Variants in TIMP4 observed in about 807,000 individuals in gnomAD.
TIMP4 encodes the protein TIMP metallopeptidase inhibitor 4.
TIMP4 carries 28 observed loss-of-function variants against 27.3 expected under a neutral mutation model. The ratio of observed to expected loss-of-function variants is 1.03; its 90% CI spans 0.76 to 1.41. TIMP4 has a LOEUF of 1.41. Ranked by LOEUF, TIMP4 falls within the 40% of genes most tolerant of loss-of-function variation. TIMP4 has a pLI of 0.00. For synonymous variants in TIMP4, 138 were observed against 115.5 expected (o/e 1.20, Z -1.25); for missense variants, 307 against 285.5 (o/e 1.08, Z -0.54).
At chr3:12,154,553 CTT>C in intron 3 of TIMP4, 102 bp from the exon 4 acceptor site, 1 of 1,394,674 alleles carries the variant, frequency 7.2e-7, no homozygotes, top group Non-Finnish European at 9.8e-7. Context: ...TCCCCAATGA[CTT>C]TGGTGGCAGT....
At chr3:12,157,053 T>C (rs1261427052) in intron 2 of TIMP4, 119 bp from the exon 3 acceptor site, 5 of 724,822 alleles carry the variant, frequency 6.9e-6, no homozygotes, top group Non-Finnish European at 2.3e-6. Context: ...GTTGAGGATT[T>C]TGTGTCCTCA....
chr3:12,156,778 G>A (rs748770830), intron 3 of TIMP4, 42 bp downstream of exon 3: 3 of 1,527,292 alleles, frequency 2.0e-6, no homozygotes, highest in Non-Finnish European at 2.7e-6. Flanking sequence ...CCCTAGGGCA[G>A]AATCTATTAT....
intron 4 of TIMP4, 95 bp downstream of exon 4, chr3:12,154,232 A>AC (rs1697386675): frequency 6.4e-7 from 1 of 1,553,886 alleles, no homozygotes; most frequent in African/African-American, 1.4e-5. Flanking sequence ...TGCAGATCTC[A>AC]AGTATAGTCT....
At chr3:12,157,695 C>T (rs1380257158) in intron 1 of TIMP4, among the ~76,000 whole-genome samples, 1 of 152,162 alleles carries the variant, frequency 6.6e-6, no homozygotes, top group African/African-American at 2.4e-5. Context: ...TTATTAGGTC[C>T]TATAACCGCT....
intron 2 of TIMP4, 31 bp from the exon 3 acceptor site, chr3:12,156,965 T>C (rs749887551): frequency 6.6e-7 from 1 of 1,515,008 alleles, no homozygotes; most frequent in East Asian, 2.3e-5. Flanking sequence ...AAGGCAATAT[T>C]GGGTCAGTGA....
rs1264958118 is a variant in TIMP4 at position 12,158,773 on chromosome 3, G to C, written c.68C>G (p.Pro23Arg). 5.0e-6 allele frequency: 8 copies of C among 1,605,490 alleles called. No individual in the cohort carries two copies. The Admixed American group carries it at 1.3e-4, about 27-fold the overall frequency. ...GCTGCATGCCTCACCCAGCCCCGGG[G>C]GCCGCAGCAACGCCAGCAGCCGCAG... ...LLLRLLALLR[P>R]PGLGEACSCA... Residue 23 changes from proline (P) to arginine (R), a missense_variant, in exon 1 of 5, where the codon CCC becomes CGC. By Grantham distance (103) the Pro-to-Arg change is moderately radical. Coordinates refer to ENST00000287814, the MANE Select transcript of TIMP4 (RefSeq NM_003256.4).
Position 12,153,570 on chromosome 3 carries a change from C to A in TIMP4, c.620G>T (p.Trp207Leu). 1 of 1,614,088 alleles carries A rather than the reference C, an allele frequency of 6.2e-7. No homozygotes were observed. Among genetic ancestry groups the A allele is most frequent in the Non-Finnish European group, 8.5e-7 (1 of 1,179,992 alleles). The change falls in exon 5 of 5, where the codon TGG becomes TTG. Residue 207 changes from tryptophan to leucine, a missense_variant. Trp to Leu is a moderately conservative substitution (Grantham distance 61). Transcript: ENST00000287814. ...CCTGAGAGGCAGGTGGCCCCGGTAC[C>A]AGCTGCAGGTGCCGTCAACATGCTT... ...CMKHVDGTCS[W>L]YRGHLPLRKE...
In TIMP4 at chr3:12,153,406, T is replaced by G; in HGVS notation, c.*109A>C. ...GCCAGACTGTCCACTTGGCACTTCT[T>G]ATTAGCTGGCAGCAAGAGGTCAGGT... On this transcript the variant is annotated 3_prime_UTR_variant, in exon 5 of 5. Transcript: ENST00000287814. The G allele has an allele frequency of 7.7e-7, 1 of 1,304,892 alleles. No individual in the cohort carries two copies. The highest frequency in any genetic ancestry group is 1.1e-6 in the Non-Finnish European group (1 of 907,692). 80.8% of individuals were successfully genotyped at this position (1,304,892 alleles called of 1,614,324 possible).
At chr3:12,154,598 A>C in intron 3 of TIMP4, 147 bp from the exon 4 acceptor site, 1 of 760,988 alleles carries the variant, frequency 1.3e-6, no homozygotes, top group Non-Finnish European at 2.1e-6. Context: ...GGACCAATAA[A>C]TAAAACTACT....
chr3:12,153,485 T>G lies in TIMP4; in HGVS notation c.*30A>C. On this transcript the variant is annotated 3_prime_UTR_variant, in exon 5 of 5. Coordinates refer to ENST00000287814, the MANE Select transcript of TIMP4 (RefSeq NM_003256.4). ...AGAACTGGCTTGATCTTCAGGACTC[T>G]TGAAGGGATGTGATGGTCACTGGTC... 6.2e-7 allele frequency: 1 copy of G among 1,611,542 alleles called. No homozygotes were observed. Among genetic ancestry groups the G allele is most frequent in the South Asian group, 1.1e-5 (1 of 90,946 alleles).
intron 1 of TIMP4, among the ~76,000 whole-genome samples, chr3:12,157,711 G>C (rs563871472): frequency 6.6e-6 from 1 of 152,282 alleles, no homozygotes; most frequent in African/African-American, 2.4e-5. Context: ...CCGCTAAGCT[G>C]TTTCTGCCTT....
chr3:12,155,416 T>C (rs1279115480), intron 3 of TIMP4, among the ~76,000 whole-genome samples: 1 of 152,172 alleles, frequency 6.6e-6, no homozygotes, highest in Non-Finnish European at 1.5e-5. Flanking sequence ...CATTGGGCCT[T>C]GAAGGGATGA....
At chr3:12,156,617 C>CTAAGAA (rs1482450759) in intron 3 of TIMP4, among the ~76,000 whole-genome samples, 1 of 152,168 alleles carries the variant, frequency 6.6e-6, no homozygotes, top group African/African-American at 2.4e-5. Flanking sequence ...GGTCACTGTA[C>CTAAGAA]TAAGAACTCT....
chr3:12,157,010 A>G (rs1697478236), intron 2 of TIMP4, 76 bp from the exon 3 acceptor site: 3 of 1,049,724 alleles, frequency 2.9e-6, no homozygotes, highest in African/African-American at 1.6e-5. Context: ...AAAACCTCTC[A>G]CTTCTCAGCC....
Position 12,158,869 on chromosome 3 carries a change from G to A in TIMP4, c.-29C>T, listed in dbSNP as rs764594268. ...ACTGCAGATCCGCGACTGAGCCTGT[G>A]AGGTCTGGGGGACTGGACGGCCCCA... On this transcript the variant is annotated 5_prime_UTR_variant, in exon 1 of 5. Coordinates refer to ENST00000287814, the MANE Select transcript of TIMP4 (RefSeq NM_003256.4). The A allele has an allele frequency of 6.5e-7, 1 of 1,530,622 alleles. No homozygotes were observed. The highest frequency in any genetic ancestry group is 1.9e-5 in the Admixed American group (1 of 53,710). 94.8% of individuals were successfully genotyped at this position (1,530,622 alleles called of 1,614,324 possible).
intron 3 of TIMP4, among the ~76,000 whole-genome samples, chr3:12,155,824 C>G (rs953252184): frequency 1.3e-5 from 2 of 152,204 alleles, no homozygotes; most frequent in South Asian, 2.1e-4. Context: ...AGGGCAGGTG[C>G]TTAGGAAGGA....
At position 12,158,712 on chromosome 3, in the gene TIMP4, G is replaced by A. The variant is rs1013109697; in HGVS notation, c.129C>T (p.His43=). 1.2e-6 allele frequency: 2 copies of A among 1,610,318 alleles called. No homozygotes were observed. The highest frequency in any genetic ancestry group is 1.7e-6 in the Non-Finnish European group (2 of 1,179,748). Reference sequence around the variant, plus strand: ...GGACCTCGGACTCACCAAGTGCCGAGTGGCAGATGTGCTGCTGAGGGTGCG... The same window carrying A: ...GGACCTCGGACTCACCAAGTGCCGAATGGCAGATGTGCTGCTGAGGGTGCG... ...APAHPQQHIC[H]SALVIRAKIS... is the part of the protein sequence containing the mutation. The change falls in exon 1 of 5, where the codon CAC becomes CAT. Residue 43 remains histidine, a synonymous_variant. Transcript: ENST00000287814.
At position 12,154,364 on chromosome 3, in the gene TIMP4, C is replaced by G; in HGVS notation, c.440G>C (p.Ser147Thr). ...GTTCAGATGGTAGTGATGATTCAGA[C>G]TTTCCCTCTGCACCAAGGACAGGTC... ...WEDLSLVQRESLNHHYHLNCG... is the reference protein window; with the variant it reads ...WEDLSLVQRETLNHHYHLNCG... Residue 147 changes from serine to threonine, a missense_variant, in exon 4 of 5, where the codon AGT becomes ACT. By Grantham distance (58) the Ser-to-Thr change is moderately conservative. Transcript: ENST00000287814. The G allele has an allele frequency of 6.2e-7, 1 of 1,614,228 alleles. No homozygotes were observed.
chr3:12,156,171 T>A (rs1469685594), intron 3 of TIMP4, among the ~76,000 whole-genome samples: 1 of 152,202 alleles, frequency 6.6e-6, no homozygotes, highest in East Asian at 1.9e-4. Flanking sequence ...CTGCTGTGCT[T>A]TTTCTTTCCC....
Sources: allele counts gnomAD v4.1 joint callset (sites outside exome capture counted in the v4.1 genomes callset), GRCh38; gene constraint gnomAD v4.1.1; transcripts MANE v1.5; gene names NCBI Gene and HGNC (gene_info 2026-07-23, HGNC 2026-07-21).